The following NR3C2 variants were observed in gnomAD, a reference collection of about 807,000 sequenced individuals.
The protein encoded by NR3C2 is nuclear receptor subfamily 3 group C member 2, also known as mineralocorticoid receptor.
Under a neutral mutation model 86.4 loss-of-function variants are expected in NR3C2, and 15 were observed. The observed-to-expected ratio is 0.17, with a 90% CI of 0.12 to 0.27. The LOEUF (loss-of-function observed/expected upper bound fraction) is 0.27, where lower values mean the gene tolerates loss of function less well. NR3C2 is among the 10% of genes least tolerant of loss of function. The pLI is 1.00. For synonymous variants in NR3C2, 458 were observed against 450.5 expected (o/e 1.02, Z -0.21); for missense variants, 960 against 1,195.6 (o/e 0.80, Z 2.91).
At chr4:148,361,457 T>C (rs978374286) in intron 2 of NR3C2, among the ~76,000 whole-genome samples, 3 of 152,346 alleles carry the variant, frequency 2.0e-5, no homozygotes, top group African/African-American at 4.8e-5. Context: ...GACTGCCAGA[T>C]TGAACCTTGC....
Position 148,179,746 on chromosome 4 carries a change from A to G in NR3C2, c.2014+15000T>C, listed in dbSNP as rs369217284. Among the ~76,000 whole-genome samples the G allele has an allele frequency of 1.6e-4, 24 of 151,928 alleles. 1 individual carries two copies. The highest frequency in any genetic ancestry group is 4.6e-4 in the African/African-American group (19 of 41,548). ...AAAGTCTTTAAAAGAGATACAGCAA[A>G]TTCTTTTAAATTCTATCTGCTTTAG... On this transcript the variant is annotated intron_variant, in intron 4 of 8. Coordinates refer to ENST00000358102, the MANE Select transcript of NR3C2 (RefSeq NM_000901.5).
chr4:148,126,619 A>G (rs1379046054), intron 6 of NR3C2, among the ~76,000 whole-genome samples: 1 of 152,216 alleles, frequency 6.6e-6, no homozygotes, highest in African/African-American at 2.4e-5. Context: ...TTAAAGATTA[A>G]AGAGAGACCT....
At chr4:148,092,018 T>C (rs1731083507) in intron 8 of NR3C2, among the ~76,000 whole-genome samples, 1 of 152,132 alleles carries the variant, frequency 6.6e-6, no homozygotes, top group Admixed American at 6.5e-5. Context: ...AGGCCACCTT[T>C]CAAAGCAAAT....
At position 148,279,810 on chromosome 4, in the gene NR3C2, C is replaced by G. The variant is rs1011285541; in HGVS notation, c.1758-19693G>C. Among the ~76,000 whole-genome samples the G allele has an allele frequency of 2.6e-5, 4 of 152,286 alleles. No homozygotes were observed. The East Asian group carries it at 7.7e-4, about 29-fold the overall frequency. ...GCGTGATCTTGGCTCACTGCAACCT[C>G]TGCCCCCCGGGTTCAAGTGATTTTC... On this transcript the variant is annotated intron_variant, in intron 2 of 8. Coordinates refer to ENST00000358102, the MANE Select transcript of NR3C2 (RefSeq NM_000901.5).
intron 2 of NR3C2, among the ~76,000 whole-genome samples, chr4:148,413,510 G>A (rs1363491426): frequency 6.6e-6 from 1 of 151,870 alleles, no homozygotes; most frequent in Non-Finnish European, 1.5e-5. Context: ...AAAATTTAAA[G>A]CATCTGTATG....
intron 3 of NR3C2, among the ~76,000 whole-genome samples, chr4:148,234,209 A>T (rs1053920447): frequency 6.6e-6 from 1 of 152,210 alleles, no homozygotes; most frequent in African/African-American, 2.4e-5. Context: ...ACACTGTAAC[A>T]ATATGTTCAG....
chr4:148,092,714 T>G (rs1731112929), intron 8 of NR3C2, among the ~76,000 whole-genome samples: 1 of 152,222 alleles, frequency 6.6e-6, no homozygotes, highest in South Asian at 2.1e-4. Context: ...TTCCCTAGAC[T>G]CCGGTTTCCT....
intron 2 of NR3C2, among the ~76,000 whole-genome samples, chr4:148,335,648 A>C (rs2149974417): frequency 6.6e-6 from 1 of 152,236 alleles, no homozygotes; most frequent in Admixed American, 6.5e-5. Context: ...TTGAAAAAGA[A>C]AATGATTTGA....
chr4:148,099,363 C>T (rs986989869), intron 8 of NR3C2, among the ~76,000 whole-genome samples: 1 of 152,208 alleles, frequency 6.6e-6, no homozygotes, highest in Non-Finnish European at 1.5e-5. Context: ...AGCAATGGAG[C>T]TACCCAGGTG....
In NR3C2 at chr4:148,293,351, A is replaced by G. The variant is rs80209687; in HGVS notation, c.1758-33234T>C. ...TCCTCAGACTAAACTCAGCACCAGA[A>G]TCAACCACGTTAAAGGGCATTTAAA... On this transcript the variant is annotated intron_variant, in intron 2 of 8. Coordinates refer to ENST00000358102, the MANE Select transcript of NR3C2 (RefSeq NM_000901.5). Among the ~76,000 whole-genome samples, 968 of 152,288 alleles carry G rather than the reference A, an allele frequency of 6.4e-3. 9 individuals carry two copies. The highest frequency in any genetic ancestry group is 0.022 in the African/African-American group (927 of 41,574).
intron 2 of NR3C2, among the ~76,000 whole-genome samples, chr4:148,324,529 G>T (rs575158950): frequency 6.6e-6 from 1 of 152,272 alleles, no homozygotes; most frequent in Admixed American, 6.5e-5. Flanking sequence ...ACTGCAGGGA[G>T]AGGAAAATGG....
chr4:148,175,644 T>C (rs1735340266), intron 4 of NR3C2, among the ~76,000 whole-genome samples: 1 of 152,240 alleles, frequency 6.6e-6, no homozygotes, highest in Non-Finnish European at 1.5e-5. Context: ...AATTAACATA[T>C]GAAAATGTTT....
At chr4:148,109,299 G>T (rs1240016663) in intron 8 of NR3C2, among the ~76,000 whole-genome samples, 1 of 152,198 alleles carries the variant, frequency 6.6e-6, no homozygotes, top group Admixed American at 6.5e-5. Flanking sequence ...GCTGCCCTGT[G>T]ACCTCCAGGT....
intron 3 of NR3C2, among the ~76,000 whole-genome samples, chr4:148,232,781 G>C (rs753078874): frequency 3.9e-5 from 6 of 152,266 alleles, no homozygotes; most frequent in Non-Finnish European, 8.8e-5. Context: ...AATTATCTTA[G>C]CTCAATCTTC....
At chr4:148,273,462 T>C (rs1465095227) in intron 2 of NR3C2, among the ~76,000 whole-genome samples, 1 of 152,226 alleles carries the variant, frequency 6.6e-6, no homozygotes, top group African/African-American at 2.4e-5. Context: ...TTAAAGATTA[T>C]GGTCGCTAAA....
chr4:148,321,574 C>T (rs926720942), intron 2 of NR3C2, among the ~76,000 whole-genome samples: 38 of 152,158 alleles, frequency 2.5e-4, no homozygotes, highest in African/African-American at 8.4e-4. Flanking sequence ...GTATTGGGTG[C>T]ATATATATTT....
intron 2 of NR3C2, among the ~76,000 whole-genome samples, chr4:148,262,022 T>C (rs578176960): frequency 2.6e-5 from 4 of 152,346 alleles, no homozygotes; most frequent in African/African-American, 9.6e-5. Flanking sequence ...GACTTCTTTA[T>C]GGCATTCAAA....
chr4:148,377,382 A>G (rs1359705186), intron 2 of NR3C2, among the ~76,000 whole-genome samples: 1 of 152,202 alleles, frequency 6.6e-6, no homozygotes, highest in Non-Finnish European at 1.5e-5. Context: ...TGTCTTTTCA[A>G]TTATTGTGAA....
chr4:148,283,478 T>A (rs1056423698), intron 2 of NR3C2, among the ~76,000 whole-genome samples: 1 of 152,180 alleles, frequency 6.6e-6, no homozygotes, highest in African/African-American at 2.4e-5. Context: ...TCAGTGTTTT[T>A]CCCATGGTGA....
Sources: allele counts gnomAD v4.1 joint callset (sites outside exome capture counted in the v4.1 genomes callset), GRCh38; gene constraint gnomAD v4.1.1; transcripts MANE v1.5; gene names NCBI Gene and HGNC (gene_info 2026-07-23, HGNC 2026-07-21).